The following SACM1L variants were observed in gnomAD, a reference collection of about 807,000 sequenced individuals.
SACM1L encodes phosphatidylinositol-3-phosphatase SAC1.
A neutral mutation model predicts 89.5 loss-of-function variants in SACM1L; 32 were observed. That is an observed-to-expected ratio of 0.36 (90% CI 0.27 to 0.48). SACM1L has a LOEUF of 0.48. Among genes scored for constraint, SACM1L ranks in the 20% least tolerant of loss-of-function variants. The probability of loss-of-function intolerance (pLI) is 0.99; values close to 1 mark genes in which losing one functional copy is unlikely to be tolerated. For missense variants in SACM1L, 543 were observed against 708.5 expected, an observed-to-expected ratio of 0.77 and a Z score of 2.65; for synonymous variants, 213 against 232.8, an observed-to-expected ratio of 0.92 and a Z score of 0.77.
intron 2 of SACM1L, among the ~76,000 whole-genome samples, chr3:45,704,514 C>T (rs1323571948): frequency 6.6e-6 from 1 of 152,126 alleles, no homozygotes; most frequent in Non-Finnish European, 1.5e-5. Context: ...GCTGCTCTCT[C>T]AAGATAGCTG....
rs869095037 is a variant in SACM1L, at chr3:45,697,269, CTTTTTTTT to C, written c.33-6151_33-6144del. Among the ~76,000 whole-genome samples the C allele has an allele frequency of 3.0e-3, 280 of 92,120 alleles. 1 individual carries two copies. The highest frequency in any genetic ancestry group is 0.011 in the African/African-American group (264 of 23,036). The allele number at this position is 92,120 out of a possible 152,430, so 60.4% of individuals were successfully genotyped here. A position where few individuals can be genotyped will look rare whatever the true frequency, so the allele number is the denominator to read the frequency against. On this transcript the variant is annotated intron_variant, in intron 1 of 19. Coordinates refer to ENST00000389061, the MANE Select transcript of SACM1L (RefSeq NM_014016.5). ...CCTGCTTTGTTTTTCTTTTCTTTTC[CTTTTTTTT>C]TTTTTTTTTTTTTTTTTAAGACAGG...
At chr3:45,704,974 T>C (rs1698353876) in intron 2 of SACM1L, among the ~76,000 whole-genome samples, 161 bp from the exon 3 acceptor site, 2 of 152,254 alleles carry the variant, frequency 1.3e-5, no homozygotes, top group Non-Finnish European at 2.9e-5. Context: ...ACATAACTTA[T>C]AGCTCTATCA....
At chr3:45,713,443 G>C (rs1559542400) in intron 6 of SACM1L, 1 of 288,184 alleles carries the variant, frequency 3.5e-6, no homozygotes, top group Non-Finnish European at 6.4e-6. Context: ...AACTAAGAGA[G>C]ATACAGGGGA....
At chr3:45,713,005 G>A (rs1454374861) in intron 5 of SACM1L, 132 bp from the exon 6 acceptor site, 7 of 630,456 alleles carry the variant, frequency 1.1e-5, no homozygotes, top group Non-Finnish European at 1.9e-5. Flanking sequence ...CGGGGGAGAT[G>A]TATTTTGTTT....
In SACM1L at chr3:45,731,345, A is replaced by C. The variant is rs186523664; in HGVS notation, c.966A>C (p.Ala322=). The C allele has an allele frequency of 6.2e-7, 1 of 1,613,608 alleles. No individual in the cohort carries two copies. The highest frequency in any genetic ancestry group is 2.2e-5 in the East Asian group (1 of 44,864). The change falls in exon 12 of 20, where the codon GCA becomes GCC. Residue 322 remains alanine (A), a synonymous_variant. Coordinates refer to ENST00000389061, the MANE Select transcript of SACM1L (RefSeq NM_014016.5). ...GSEKPLEQTF[A]TMVSSLGSGM... is the part of the protein sequence containing the mutation. ...AGAAGCCACTTGAGCAGACATTTGC[A>C]ACAATGGTGTCTTCCTTGGGAAGTG...
chr3:45,706,362 T>A (rs1483620604), intron 3 of SACM1L, among the ~76,000 whole-genome samples: 1 of 152,122 alleles, frequency 6.6e-6, no homozygotes, highest in Non-Finnish European at 1.5e-5. Context: ...ATGAAGGACA[T>A]AGGAGTGGTG....
chr3:45,693,753 G>A (rs989230123), intron 1 of SACM1L, among the ~76,000 whole-genome samples: 5 of 152,126 alleles, frequency 3.3e-5, no homozygotes, highest in African/African-American at 9.7e-5. Context: ...ACCAAATATA[G>A]TTGACATGTC....
rs758496631 is a variant in SACM1L, at chr3:45,737,883, T to C, written c.1382+39T>C. 3.9e-6 allele frequency: 6 copies of C among 1,530,008 alleles called. No homozygotes were observed. In the South Asian group the frequency reaches 6.7e-5, roughly 17 times the overall value. 94.8% of individuals were successfully genotyped at this position (1,530,008 alleles called of 1,614,324 possible). On this transcript the variant is annotated intron_variant, in intron 16 of 19. Coordinates refer to ENST00000389061, the MANE Select transcript of SACM1L (RefSeq NM_014016.5). Reference sequence around the variant, plus strand: ...TTAAAATAGCATTCCACATCAGTAGTTCACAGTCCTGGTGCTTTTAAAAAT... The same window carrying C: ...TTAAAATAGCATTCCACATCAGTAGCTCACAGTCCTGGTGCTTTTAAAAAT...
intron 1 of SACM1L, chr3:45,690,479 T>A (rs1697951647): frequency 1.3e-5 from 2 of 152,232 alleles, no homozygotes; most frequent in African/African-American, 4.8e-5. Context: ...ACCGCATTTC[T>A]TTTGCAGGGA....
Position 45,689,697 on chromosome 3 carries a change from C to T in SACM1L, c.32+200C>T, listed in dbSNP as rs1442134274. 6.2e-6 allele frequency: 4 copies of T among 650,128 alleles called. No homozygotes were observed. In the East Asian group the frequency reaches 8.3e-5, roughly 13 times the overall value. 40.3% of individuals were successfully genotyped at this position (650,128 alleles called of 1,614,324 possible). A position where few individuals can be genotyped will look rare whatever the true frequency, so the allele number is the denominator to read the frequency against. ...GGCCGGGAACCAGCGGCTCGCCGGC[C>T]TTTCTCCACCGTGCTCGGCCCCAGC... On this transcript the variant is annotated intron_variant, in intron 1 of 19. Coordinates refer to ENST00000389061, the MANE Select transcript of SACM1L (RefSeq NM_014016.5).
At chr3:45,740,696 G>C (rs1471741942) in intron 19 of SACM1L, among the ~76,000 whole-genome samples, 1 of 152,096 alleles carries the variant, frequency 6.6e-6, no homozygotes, top group Non-Finnish European at 1.5e-5. Context: ...TTAACATTTT[G>C]ATGTTTTAAT....
intron 4 of SACM1L, chr3:45,707,240 A>G (rs1235248091): frequency 5.5e-6 from 1 of 180,616 alleles, no homozygotes; most frequent in Non-Finnish European, 1.2e-5. Flanking sequence ...TTGAAGTTCT[A>G]CTCCTCTTAA....
rs563477606 is a variant in SACM1L, at chr3:45,731,318, G to A, written c.939G>A (p.Ser313=). Residue 313 remains serine, a synonymous_variant, in exon 12 of 20, where the codon TCG becomes TCA. Transcript: ENST00000389061. The part of the protein sequence containing the change: ...VIINLINQKG[S]EKPLEQTFAT... ...TTTTACAGATTAACCAGAAGGGCTCGGAGAAGCCACTTGAGCAGACATTTG... is the reference window on the plus strand; with the variant it reads ...TTTTACAGATTAACCAGAAGGGCTCAGAGAAGCCACTTGAGCAGACATTTG... The A allele has an allele frequency of 1.4e-5, 22 of 1,612,548 alleles. No homozygotes were observed. Among genetic ancestry groups the A allele is most frequent in the Middle Eastern group, 1.7e-4 (1 of 6,054 alleles).
chr3:45,707,106 T>TA, intron 4 of SACM1L, 199 bp downstream of exon 4: 1 of 466,866 alleles, frequency 2.1e-6, no homozygotes, highest in Non-Finnish European at 3.6e-6. Context: ...TTTTTTTTTT[T>TA]TAAAGATTCA....
intron 5 of SACM1L, 37 bp downstream of exon 5, chr3:45,709,684 T>C (rs1225405783): frequency 1.3e-6 from 2 of 1,559,370 alleles, no homozygotes; most frequent in Non-Finnish European, 1.7e-6. Flanking sequence ...TTTTTAGGTT[T>C]TTAAAAGGGA....
intron 19 of SACM1L, chr3:45,739,875 T>C (rs1699279566): frequency 1.7e-6 from 1 of 578,984 alleles, no homozygotes; most frequent in Non-Finnish European, 3.1e-6. Flanking sequence ...GTTTTTCTTA[T>C]TACTGTAAAC....
intron 13 of SACM1L, among the ~76,000 whole-genome samples, chr3:45,733,709 G>C (rs1171169017): frequency 6.6e-6 from 1 of 152,180 alleles, no homozygotes; most frequent in African/African-American, 2.4e-5. Flanking sequence ...GTTGTTTGCT[G>C]TGTTCCATAC....
chr3:45,706,553 TTTATC>T (rs1391578968), intron 3 of SACM1L, among the ~76,000 whole-genome samples: 34 of 152,278 alleles, frequency 2.2e-4, no homozygotes, highest in African/African-American at 7.9e-4. Context: ...AGCTTTTGCT[TTTATC>T]TTTTTTGAGA....
At chr3:45,726,370 GT>G (rs1400569611) in intron 11 of SACM1L, among the ~76,000 whole-genome samples, 2 of 149,992 alleles carry the variant, frequency 1.3e-5, no homozygotes, top group African/African-American at 2.4e-5. Flanking sequence ...TTTTCTGTTC[GT>G]TTTCATTACT....
Sources: gnomAD v4.1 joint callset for allele counts (sites outside exome capture counted in the v4.1 genomes callset) on GRCh38, gnomAD v4.1.1 for gene constraint, MANE v1.5 for transcripts, NCBI Gene and HGNC (gene_info 2026-07-23, HGNC 2026-07-21) for gene names.